CTNNA2: variants seen among roughly 807,000 people sequenced by gnomAD.
The protein encoded by CTNNA2 is catenin alpha 2, also known as catenin alpha-2.
CTNNA2 carries 42 observed loss-of-function variants against 101.0 expected under a neutral mutation model. The ratio of observed to expected loss-of-function variants is 0.42; its 90% confidence interval spans 0.32 to 0.54. The LOEUF (loss-of-function observed/expected upper bound fraction) is 0.54, where lower values mean the gene tolerates loss of function less well. Among genes scored for constraint, CTNNA2 ranks in the 20% least tolerant of loss-of-function variants. The pLI, the probability that CTNNA2 is intolerant of heterozygous loss-of-function variation, is 0.14. For synonymous variants in CTNNA2, 450 were observed against 456.4 expected, an observed-to-expected ratio of 0.99 and a Z score of 0.18; for missense variants, 871 against 1,223.1, an observed-to-expected ratio of 0.71 and a Z score of 4.29.
chr2:79,405,567 C>G (rs547600959), intron 4 of CTNNA2, among the ~76,000 whole-genome samples: 1 of 152,140 alleles, frequency 6.6e-6, no homozygotes, highest in South Asian at 2.1e-4. Flanking sequence ...CTCAAGTGAT[C>G]TGCCCACCTC....
At chr2:79,550,785 A>G (rs1674052584) in intron 1 of CTNNA2, among the ~76,000 whole-genome samples, 1 of 152,188 alleles carries the variant, frequency 6.6e-6, no homozygotes, top group Non-Finnish European at 1.5e-5. Context: ...TACAACGTGA[A>G]TAAACTAAGA....
At chr2:79,692,700 A>G (rs1684387336) in intron 2 of CTNNA2, among the ~76,000 whole-genome samples, 1 of 152,094 alleles carries the variant, frequency 6.6e-6, no homozygotes, top group Non-Finnish European at 1.5e-5. Flanking sequence ...AGCCATAAAA[A>G]GGGTGAGTTC....
At chr2:79,512,309 A>G (rs1671567248), upstream of CTNNA2, among the ~76,000 whole-genome samples, 1 of 152,178 alleles carries the variant, frequency 6.6e-6, no homozygotes, top group Non-Finnish European at 1.5e-5. Context: ...AAGAATCACA[A>G]TGCCTTCCAC....
chr2:79,522,945 C>G (rs534571601), intron 1 of CTNNA2, among the ~76,000 whole-genome samples: 1 of 152,224 alleles, frequency 6.6e-6, no homozygotes, highest in South Asian at 2.1e-4. Context: ...GAAAAAGAGT[C>G]TGGAAAATAA....
At chr2:79,635,294 C>T (rs1198722939) in intron 1 of CTNNA2, among the ~76,000 whole-genome samples, 4 of 151,614 alleles carry the variant, frequency 2.6e-5, no homozygotes, top group East Asian at 2.0e-4. Context: ...TAGCCGGGCG[C>T]GGTGGTGGGC....
At chr2:79,873,750 TA>T (rs397871093) in intron 5 of CTNNA2, among the ~76,000 whole-genome samples, 1 of 151,804 alleles carries the variant, frequency 6.6e-6, no homozygotes, top group Non-Finnish European at 1.5e-5. Context: ...TTTTTTTTTT[TA>T]ACTAGCCTGG....
At chr2:79,619,632 A>G (rs1262681386) in intron 1 of CTNNA2, among the ~76,000 whole-genome samples, 1 of 152,194 alleles carries the variant, frequency 6.6e-6, no homozygotes, top group Non-Finnish European at 1.5e-5. Flanking sequence ...GTTGTCATTA[A>G]GAAAGTGTTT....
At chr2:79,785,892 G>A (rs1270533936) in intron 3 of CTNNA2, among the ~76,000 whole-genome samples, 1 of 152,064 alleles carries the variant, frequency 6.6e-6, no homozygotes, top group Non-Finnish European at 1.5e-5. Context: ...GAAAGAAATA[G>A]CCACTTGCAT....
intron 7 of CTNNA2, among the ~76,000 whole-genome samples, chr2:80,250,204 A>AGTGTGTGTGTGT (rs56664173): frequency 3.1e-5 from 3 of 96,392 alleles, no homozygotes; most frequent in African/African-American, 5.9e-5. Flanking sequence ...AGAGAGAGAG[A>AGTGTGTGTGTGT]GTGTGTGTGT....
At chr2:80,431,217 T>C (rs530807503) in intron 9 of CTNNA2, among the ~76,000 whole-genome samples, 2 of 152,306 alleles carry the variant, frequency 1.3e-5, no homozygotes, top group South Asian at 2.1e-4. Flanking sequence ...CCGTTAGTTT[T>C]AGAAGGAGGT....
At chr2:80,101,891 C>T (rs1399885159) in intron 7 of CTNNA2, among the ~76,000 whole-genome samples, 1 of 152,206 alleles carries the variant, frequency 6.6e-6, no homozygotes, top group Non-Finnish European at 1.5e-5. Flanking sequence ...GAGGGAGTCT[C>T]ACCCTAGGGT....
At chr2:80,099,852 C>G (rs887888661) in intron 7 of CTNNA2, among the ~76,000 whole-genome samples, 1 of 151,760 alleles carries the variant, frequency 6.6e-6, no homozygotes, top group African/African-American at 2.4e-5. Context: ...CCAAGAGAGA[C>G]AGTAAAAAAT....
At chr2:80,507,624 T>C (rs1688377349) in intron 9 of CTNNA2, among the ~76,000 whole-genome samples, 1 of 152,216 alleles carries the variant, frequency 6.6e-6, no homozygotes, top group Non-Finnish European at 1.5e-5. Context: ...TCACATAATC[T>C]ATTTTGTAGG....
chr2:79,383,661 G>A (rs913340275), intron 4 of CTNNA2, among the ~76,000 whole-genome samples: 1 of 152,172 alleles, frequency 6.6e-6, no homozygotes, highest in Non-Finnish European at 1.5e-5. Flanking sequence ...TTGATGCCGA[G>A]CCCTAGGTGG....
intron 3 of CTNNA2, among the ~76,000 whole-genome samples, chr2:79,856,316 A>G (rs983360154): frequency 1.3e-5 from 2 of 152,256 alleles, no homozygotes; most frequent in Non-Finnish European, 2.9e-5. Flanking sequence ...GAATTACTTT[A>G]TATTCTGATC....
At chr2:80,244,671 G>A (rs1008141851) in intron 7 of CTNNA2, among the ~76,000 whole-genome samples, 11 of 152,148 alleles carry the variant, frequency 7.2e-5, no homozygotes, top group Non-Finnish European at 1.0e-4. Flanking sequence ...TAAAAGTAAC[G>A]TCAAGAAACC....
intron 7 of CTNNA2, among the ~76,000 whole-genome samples, chr2:80,366,084 G>A (rs1427449112): frequency 2.0e-5 from 3 of 152,102 alleles, no homozygotes; most frequent in African/African-American, 7.2e-5. Flanking sequence ...TTCTCACACA[G>A]AACACTTAAC....
chr2:79,606,434 A>G (rs1573461491), intron 1 of CTNNA2, among the ~76,000 whole-genome samples: 1 of 151,926 alleles, frequency 6.6e-6, no homozygotes, highest in African/African-American at 2.4e-5. Flanking sequence ...CGCCTGGCTA[A>G]TTTTTTTGTA....
chr2:80,286,737 T>C (rs961545105), intron 7 of CTNNA2, among the ~76,000 whole-genome samples: 2 of 152,192 alleles, frequency 1.3e-5, no homozygotes, highest in African/African-American at 2.4e-5. Flanking sequence ...ATTCCCTGAA[T>C]TGAGGAAACC....
Sources: gnomAD v4.1 joint callset for allele counts (sites outside exome capture counted in the v4.1 genomes callset) on GRCh38, gnomAD v4.1.1 for gene constraint, MANE v1.5 for transcripts, NCBI Gene and HGNC (gene_info 2026-07-23, HGNC 2026-07-21) for gene names.